PTPRD: variants seen among roughly 807,000 people sequenced by gnomAD.
The protein encoded by PTPRD is protein tyrosine phosphatase receptor type D.
In PTPRD, 34 loss-of-function variants were observed where a neutral mutation model predicts 214.5. The ratio of observed to expected loss-of-function variants is 0.16; its 90% CI spans 0.12 to 0.21. The LOEUF (loss-of-function observed/expected upper bound fraction) is 0.21, where lower values mean the gene tolerates loss of function less well. Among genes scored for constraint, PTPRD ranks in the 10% least tolerant of loss-of-function variants. The pLI is 1.00. For missense variants in PTPRD, 2,545 were observed against 2,398.7 expected (o/e 1.06, Z -1.27); for synonymous variants, 1,128 against 845.7 (o/e 1.33, Z -5.79).
At chr9:10,405,463 G>A (rs1364616396) in intron 2 of PTPRD, among the ~76,000 whole-genome samples, 1 of 151,516 alleles carries the variant, frequency 6.6e-6, no homozygotes, top group Non-Finnish European at 1.5e-5. Flanking sequence ...TAGAGCAAGG[G>A]TTAGGGAAAA....
intron 2 of PTPRD, among the ~76,000 whole-genome samples, chr9:10,454,209 T>G (rs2098885126): frequency 6.6e-6 from 1 of 151,576 alleles, no homozygotes; most frequent in Non-Finnish European, 1.5e-5. Flanking sequence ...TTCAGCTAGT[T>G]ATTGTTTAAT....
At chr9:9,153,873 A>G (rs916212683) in intron 10 of PTPRD, among the ~76,000 whole-genome samples, 5 of 152,116 alleles carry the variant, frequency 3.3e-5, no homozygotes, top group Admixed American at 1.3e-4. Flanking sequence ...AGGAACTATT[A>G]AAAAGTATCT....
intron 2 of PTPRD, among the ~76,000 whole-genome samples, chr9:10,397,816 T>C (rs555829856): frequency 6.6e-6 from 1 of 152,040 alleles, no homozygotes; most frequent in African/African-American, 2.4e-5. Flanking sequence ...TTATAGGCTA[T>C]ACCATATAGT....
At chr9:10,211,107 T>C (rs2099515089) in intron 3 of PTPRD, among the ~76,000 whole-genome samples, 1 of 151,628 alleles carries the variant, frequency 6.6e-6, no homozygotes, top group African/African-American at 2.4e-5. Context: ...AAGGGGGAGA[T>C]TGGTAAAAAT....
At chr9:8,850,591 T>G (rs1389018135) in intron 11 of PTPRD, among the ~76,000 whole-genome samples, 1 of 152,034 alleles carries the variant, frequency 6.6e-6, no homozygotes, top group Non-Finnish European at 1.5e-5. Context: ...GGCCAGTAAG[T>G]AGATTTAGAA....
rs763256154 is a variant in PTPRD, at chr9:8,485,953, G to T, written c.2864C>A (p.Thr955Asn). The T allele has an allele frequency of 3.7e-6, 6 of 1,614,064 alleles. No individual in the cohort carries two copies. Among genetic ancestry groups the T allele is most frequent in the Non-Finnish European group, 5.1e-6 (6 of 1,180,034 alleles). The change falls in exon 28 of 46, where the codon ACC becomes AAC. Residue 955 changes from threonine to asparagine, a missense_variant. Coordinates refer to ENST00000381196, the MANE Select transcript of PTPRD (RefSeq NM_002839.4). Reference sequence around the variant, plus strand: ...GATGTTGATATCCCTATAAAGAAGGGTATACTTGGTGATAATGCCATTTCT... The same window carrying T: ...GATGTTGATATCCCTATAAAGAAGGTTATACTTGGTGATAATGCCATTTCT... Reference protein sequence around the residue: ...AERNGIITKYTLLYRDINIPL... With the variant: ...AERNGIITKYNLLYRDINIPL...
At chr9:8,802,828 G>C (rs2096598624) in intron 11 of PTPRD, among the ~76,000 whole-genome samples, 1 of 152,168 alleles carries the variant, frequency 6.6e-6, no homozygotes, top group South Asian at 2.1e-4. Flanking sequence ...AAGGTGGGAA[G>C]ACAGCTTGAG....
chr9:9,342,231 T>G (rs188520137), intron 9 of PTPRD, among the ~76,000 whole-genome samples: 1 of 152,316 alleles, frequency 6.6e-6, no homozygotes, highest in South Asian at 2.1e-4. Flanking sequence ...AATACTGTCA[T>G]GCTTTATAGA....
At chr9:9,639,544 T>C (rs2095871196) in intron 7 of PTPRD, among the ~76,000 whole-genome samples, 1 of 152,220 alleles carries the variant, frequency 6.6e-6, no homozygotes, top group African/African-American at 2.4e-5. Context: ...GCAAAATTGT[T>C]CAGCTATTCT....
At chr9:10,288,791 G>T (rs1195789784) in intron 3 of PTPRD, among the ~76,000 whole-genome samples, 1 of 146,950 alleles carries the variant, frequency 6.8e-6, no homozygotes, top group Non-Finnish European at 1.5e-5. Context: ...GCCCAGATTA[G>T]AATTGGAAAA....
chr9:9,381,174 T>C (rs755914148), intron 9 of PTPRD, among the ~76,000 whole-genome samples: 5 of 152,086 alleles, frequency 3.3e-5, no homozygotes, highest in Non-Finnish European at 7.4e-5. Flanking sequence ...ACTTAGACCA[T>C]TGTTCTTCAA....
In PTPRD at chr9:10,486,900, GTGTT is replaced by G. The variant is rs1248682677; in HGVS notation, c.-600+125494_-600+125497del. 4.7e-4 allele frequency among the ~76,000 whole-genome samples: 72 copies of G among 152,128 alleles called. 2 individuals are homozygous for G. Among genetic ancestry groups the G allele is most frequent in the Non-Finnish European group, 2.2e-4 (15 of 68,018 alleles). On this transcript the variant is annotated intron_variant, in intron 2 of 45. Transcript: ENST00000381196. ...AGATCTGTCCCATGTTGAATATGTG[GTGTT>G]GAAATCTCCAGCTATTATTTTATTG...
chr9:8,376,464 G>T, intron 38 of PTPRD, 143 bp downstream of exon 38: 1 of 1,217,864 alleles, frequency 8.2e-7, no homozygotes, highest in East Asian at 2.5e-5. Flanking sequence ...ATGGCTGAGT[G>T]ATAATGGAAG....
chr9:9,495,271 A>G (rs1042014843), intron 8 of PTPRD, among the ~76,000 whole-genome samples: 1 of 151,250 alleles, frequency 6.6e-6, no homozygotes, highest in East Asian at 2.0e-4. Flanking sequence ...AATTCTAGGC[A>G]GACAGGGATG....
At chr9:10,043,251 G>T (rs1289665396) in intron 3 of PTPRD, among the ~76,000 whole-genome samples, 1 of 151,914 alleles carries the variant, frequency 6.6e-6, no homozygotes, top group Non-Finnish European at 1.5e-5. Flanking sequence ...TGTAAAACTA[G>T]TATCTTATTA....
intron 11 of PTPRD, among the ~76,000 whole-genome samples, chr9:8,755,621 A>C (rs1313070329): frequency 6.6e-6 from 1 of 152,206 alleles, no homozygotes; most frequent in African/African-American, 2.4e-5. Flanking sequence ...ATATTCATAA[A>C]ATCAAATACT....
intron 9 of PTPRD, among the ~76,000 whole-genome samples, chr9:9,363,027 C>A (rs1212727146): frequency 6.6e-6 from 1 of 150,872 alleles, no homozygotes; most frequent in Non-Finnish European, 1.5e-5. Context: ...ATTAATCTCC[C>A]AGTTTATTAC....
chr9:8,394,292 G>A (rs1303615249), intron 36 of PTPRD, among the ~76,000 whole-genome samples: 5 of 151,956 alleles, frequency 3.3e-5, no homozygotes, highest in African/African-American at 1.2e-4. Context: ...CAATGATGAG[G>A]GGTTTATAAT....
At chr9:10,010,324 T>C (rs888254444) in intron 4 of PTPRD, among the ~76,000 whole-genome samples, 3 of 148,342 alleles carry the variant, frequency 2.0e-5, no homozygotes, top group Non-Finnish European at 4.5e-5. Context: ...TTAAGCAAGA[T>C]GTCTACAATT....
Sources: gnomAD v4.1 joint callset for allele counts (sites outside exome capture counted in the v4.1 genomes callset) on GRCh38, gnomAD v4.1.1 for gene constraint, MANE v1.5 for transcripts, NCBI Gene and HGNC (gene_info 2026-07-23, HGNC 2026-07-21) for gene names.